The following TBCK variants were observed in gnomAD, a reference collection of about 807,000 sequenced individuals.
TBCK encodes TBC domain-containing protein kinase-like protein.
TBCK carries 99 observed loss-of-function variants against 113.4 expected under a neutral mutation model. That is an observed-to-expected ratio of 0.87 (90% CI 0.74 to 1.03). The LOEUF (loss-of-function observed/expected upper bound fraction) is 1.03. TBCK is among the 50% of genes least tolerant of loss of function. The probability of loss-of-function intolerance (pLI) is 0.00; values close to 1 mark genes in which losing one functional copy is unlikely to be tolerated. For synonymous variants in TBCK, 369 were observed against 370.8 expected (o/e 1.00, Z 0.05); for missense variants, 1,045 against 1,061.3 (o/e 0.98, Z 0.21).
upstream of TBCK, chr4:106,316,613 G>A: frequency 4.5e-6 from 7 of 1,550,498 alleles, no homozygotes; most frequent in Non-Finnish European, 6.1e-6. Context: ...CGTCGTGGCG[G>A]GTCACTCACT....
chr4:106,106,517 A>C (rs1742182236), intron 24 of TBCK, among the ~76,000 whole-genome samples: 1 of 152,202 alleles, frequency 6.6e-6, no homozygotes, highest in Non-Finnish European at 1.5e-5. Flanking sequence ...AAAAATCTTT[A>C]ACCAAGAATT....
chr4:106,114,135 C>A (rs948268899), intron 24 of TBCK, among the ~76,000 whole-genome samples: 5 of 152,198 alleles, frequency 3.3e-5, no homozygotes, highest in African/African-American at 1.2e-4. Context: ...CTGCTGCACA[C>A]ATCTGTACTC....
intron 22 of TBCK, among the ~76,000 whole-genome samples, chr4:106,184,962 C>T (rs1752840696): frequency 1.3e-5 from 2 of 151,910 alleles, no homozygotes; most frequent in South Asian, 2.1e-4. Context: ...ATCTACTCTA[C>T]CTATAGAGCA....
chr4:106,183,911 T>G (rs370082121), intron 22 of TBCK, among the ~76,000 whole-genome samples: 2 of 152,168 alleles, frequency 1.3e-5, no homozygotes, highest in South Asian at 4.1e-4. Context: ...TTTAGCTGAT[T>G]CATGCTTCAA....
chr4:106,262,141 A>C lies in TBCK; in HGVS notation c.338T>G (p.Val113Gly), dbSNP rs1002054538. 8.4e-6 allele frequency: 13 copies of C among 1,548,410 alleles called. No homozygotes were observed. Among genetic ancestry groups the C allele is most frequent in the Non-Finnish European group, 9.6e-6 (11 of 1,144,888 alleles). Reference protein sequence around the residue: ...GLQYMNKHGIVHRALSPHNIL... With the variant: ...GLQYMNKHGIGHRALSPHNIL... ...ATTATGAGGAGACAATGCCCTGTGT[A>C]CTATACCATGTTTGTTCATATACTG... The change falls in exon 4 of 26, where the codon GTA becomes GGA. Residue 113 changes from valine to glycine, a missense_variant. By Grantham distance (109) the Val-to-Gly change is moderately radical. Coordinates refer to ENST00000394708, the MANE Select transcript of TBCK (RefSeq NM_001163435.3).
chr4:106,262,305 A>G, intron 3 of TBCK, 93 bp from the exon 4 acceptor site: 4 of 625,570 alleles, frequency 6.4e-6, no homozygotes, highest in Non-Finnish European at 1.1e-5. Flanking sequence ...AATATTCAAA[A>G]AGTTATATTT....
chr4:106,089,822 C>A (rs1182906636), intron 25 of TBCK, among the ~76,000 whole-genome samples: 1 of 152,208 alleles, frequency 6.6e-6, no homozygotes, highest in Non-Finnish European at 1.5e-5. Context: ...GAGATGTAGG[C>A]TATGAAGGCC....
chr4:106,162,283 G>C (rs993219840), intron 23 of TBCK, among the ~76,000 whole-genome samples: 27 of 152,130 alleles, frequency 1.8e-4, no homozygotes, highest in Non-Finnish European at 3.8e-4. Flanking sequence ...CATGGCCTTG[G>C]GCAGCCCCGC....
At chr4:106,282,133 G>C (rs979127737) in intron 3 of TBCK, among the ~76,000 whole-genome samples, 8 of 151,990 alleles carry the variant, frequency 5.3e-5, no homozygotes, top group Non-Finnish European at 8.8e-5. Flanking sequence ...TTCAATCTTG[G>C]TAGGTTGCAT....
chr4:106,248,239 A>G lies in TBCK; in HGVS notation c.782+6T>C, dbSNP rs1337995133. The G allele has an allele frequency of 1.3e-6, 2 of 1,579,956 alleles. No homozygotes were observed. Among genetic ancestry groups the G allele is most frequent in the African/African-American group, 2.7e-5 (2 of 73,260 alleles). On this transcript the variant is annotated splice_donor_region_variant and intron_variant, in intron 9 of 25. Coordinates refer to ENST00000394708, the MANE Select transcript of TBCK (RefSeq NM_001163435.3). ...AATGTAATCCCAATCTCTAAATAAT[A>G]TCAACCTCTTAGAAGGATGGAAGGT... is the stretch of plus-strand genomic sequence containing the variant.
At position 106,244,528 on chromosome 4, in the gene TBCK, TA is replaced by T. The variant is rs58634260; in HGVS notation, c.1070+97del. ...AAAAAAATTTTAAAAACAACCAATTTAAAAAAAAAAAACACCGATTTTCTTT... is the reference window on the plus strand; with the variant it reads ...AAAAAAATTTTAAAAACAACCAATTTAAAAAAAAAAACACCGATTTTCTTT... On this transcript the variant is annotated intron_variant, in intron 11 of 25. Transcript: ENST00000394708. 462,690 of 865,630 alleles carry T rather than the reference TA, an allele frequency of 0.53. 90,649 individuals carry two copies. The highest frequency in any genetic ancestry group is 0.57 in the Admixed American group (12,969 of 22,906). The allele number at this position is 865,630 out of a possible 1,614,324, so 53.6% of individuals were successfully genotyped here. A position where few individuals can be genotyped will look rare whatever the true frequency, so the allele number is the denominator to read the frequency against.
intron 23 of TBCK, among the ~76,000 whole-genome samples, chr4:106,118,501 G>C (rs1743831708): frequency 6.6e-6 from 1 of 152,152 alleles, no homozygotes. Context: ...GCTTCAGAAA[G>C]ATTAAAGGGT....
chr4:106,198,696 T>C (rs1050104821), intron 20 of TBCK, among the ~76,000 whole-genome samples: 1 of 152,156 alleles, frequency 6.6e-6, no homozygotes, highest in African/African-American at 2.4e-5. Context: ...ACAACATACT[T>C]GTACTATACT....
chr4:106,081,957 A>G (rs1238409045), intron 25 of TBCK, among the ~76,000 whole-genome samples: 2 of 152,182 alleles, frequency 1.3e-5, no homozygotes, highest in Non-Finnish European at 2.9e-5. Flanking sequence ...AACACAAGAA[A>G]TGCTGGTGAG....
intron 23 of TBCK, among the ~76,000 whole-genome samples, chr4:106,167,247 A>C (rs1156913349): frequency 1.3e-5 from 2 of 148,990 alleles, no homozygotes; most frequent in Non-Finnish European, 3.0e-5. Flanking sequence ...AATTCGCTAC[A>C]AGCTATTAGT....
intron 23 of TBCK, among the ~76,000 whole-genome samples, chr4:106,130,618 AC>A: frequency 1.3e-5 from 2 of 151,702 alleles, no homozygotes; most frequent in Middle Eastern, 6.8e-3. Context: ...ACACACACAC[AC>A]ACACACACAC....
At chr4:106,116,721 A>C (rs1242411523) in intron 23 of TBCK, among the ~76,000 whole-genome samples, 31 of 152,058 alleles carry the variant, frequency 2.0e-4, no homozygotes, top group Non-Finnish European at 4.4e-5. Context: ...TAGGAGTACA[A>C]ACCCTGTTGT....
intron 25 of TBCK, among the ~76,000 whole-genome samples, chr4:106,073,964 A>C (rs950676162): frequency 6.6e-6 from 1 of 152,198 alleles, no homozygotes; most frequent in Non-Finnish European, 1.5e-5. Flanking sequence ...TGCTAAGACC[A>C]TTGGAAAAGT....
At chr4:106,287,872 C>T (rs1440570966) in intron 3 of TBCK, among the ~76,000 whole-genome samples, 1 of 152,088 alleles carries the variant, frequency 6.6e-6, no homozygotes, top group Non-Finnish European at 1.5e-5. Context: ...TCTAGTTATG[C>T]TATTCCTATG....
Sources: allele counts gnomAD v4.1 joint callset (sites outside exome capture counted in the v4.1 genomes callset), GRCh38; gene constraint gnomAD v4.1.1; transcripts MANE v1.5; gene names NCBI Gene and HGNC (gene_info 2026-07-23, HGNC 2026-07-21).